Variants in PIEZO2 observed in about 807,000 individuals in gnomAD.
PIEZO2 encodes piezo-type mechanosensitive ion channel component 2.
A neutral mutation model predicts 337.3 loss-of-function variants in PIEZO2; 172 were observed. The ratio of observed to expected loss-of-function variants is 0.51; its 90% CI spans 0.45 to 0.58. The LOEUF is 0.58. Ranked by LOEUF, PIEZO2 falls within the 20% of genes least tolerant of loss-of-function variation. PIEZO2 has a pLI of 0.00. For missense variants in PIEZO2, 3,028 were observed against 3,391.3 expected (o/e 0.89, Z 2.66); for synonymous variants, 1,251 against 1,228.5 (o/e 1.02, Z -0.38).
Position 10,830,014 on chromosome 18 carries a change from C to T in PIEZO2, c.918-22740G>A, listed in dbSNP as rs1324647483. Reference sequence around the variant, plus strand: ...GTCATCCTGAGCAAGAAGTACAAAACTGGAGGAATCACATTACCTCACTTC... The same window carrying T: ...GTCATCCTGAGCAAGAAGTACAAAATTGGAGGAATCACATTACCTCACTTC... On this transcript the variant is annotated intron_variant, in intron 7 of 55. Coordinates refer to ENST00000674853, the MANE Select transcript of PIEZO2 (RefSeq NM_001378183.1). This position sits in a 1 kb window ranked among gnomAD's most constrained non-coding sequence, Gnocchi z 4.7. Among the ~76,000 whole-genome samples, 1 of 151,244 alleles carries T rather than the reference C, an allele frequency of 6.6e-6. No individual in the cohort carries two copies. Among genetic ancestry groups the T allele is most frequent in the Non-Finnish European group, 1.5e-5 (1 of 67,884 alleles).
At chr18:11,091,108 C>T (rs769540110) in intron 1 of PIEZO2, among the ~76,000 whole-genome samples, 19 of 151,864 alleles carry the variant, frequency 1.3e-4, no homozygotes, top group African/African-American at 3.1e-4. Context: ...TATTCAGGCC[C>T]GGCGCAGTGG....
intron 13 of PIEZO2, among the ~76,000 whole-genome samples, chr18:10,793,290 T>C (rs10468618): frequency 0.3 from 45,459 of 152,036 alleles, 7,407 homozygotes; most frequent in Middle Eastern, 0.41. Context: ...CAAATGTTAT[T>C]GTAATAGAAA....
chr18:10,755,807 G>T (rs1175441428), intron 27 of PIEZO2, among the ~76,000 whole-genome samples: 2 of 150,782 alleles, frequency 1.3e-5, no homozygotes, highest in Non-Finnish European at 3.0e-5. Context: ...GTGAATACAA[G>T]AAGTGAGGAT....
chr18:10,960,102 G>A (rs751353646), intron 3 of PIEZO2, among the ~76,000 whole-genome samples: 1 of 152,110 alleles, frequency 6.6e-6, no homozygotes, highest in Non-Finnish European at 1.5e-5. Flanking sequence ...TCATAAGGCT[G>A]TGAGCTTGAT....
chr18:10,986,770 T>C (rs1468874951), intron 2 of PIEZO2, among the ~76,000 whole-genome samples: 1 of 151,942 alleles, frequency 6.6e-6, no homozygotes, highest in African/African-American at 2.4e-5. Flanking sequence ...AAAAGGAAGA[T>C]ATTAAATTGT....
chr18:10,874,286 G>T (rs2042213004), intron 4 of PIEZO2, among the ~76,000 whole-genome samples: 2 of 151,804 alleles, frequency 1.3e-5, no homozygotes, highest in Admixed American at 1.3e-4. Context: ...ACCCTAGTTA[G>T]AATGGTTATT....
rs1012171679 is a variant in PIEZO2 at position 10,895,693 on chromosome 18, A to G, written c.329+15493T>C. On this transcript the variant is annotated intron_variant, in intron 4 of 55. Coordinates refer to ENST00000674853, the MANE Select transcript of PIEZO2 (RefSeq NM_001378183.1). The surrounding 1 kb of genome is among the most constrained non-coding windows in gnomAD (Gnocchi z 4.8). The stretch of plus-strand genomic sequence containing the variant: ...ATGGGGCGCTCCCTCTGACCTGCAC[A>G]TTTCATCTCTACCCAATGGACTACC... Among the ~76,000 whole-genome samples, 1 of 152,118 alleles carries G rather than the reference A, an allele frequency of 6.6e-6. No individual in the cohort carries two copies. The highest frequency in any genetic ancestry group is 2.1e-4 in the South Asian group (1 of 4,818).
Position 11,077,390 on chromosome 18 carries a change from GGT to G in PIEZO2, c.65-11170_65-11169del, listed in dbSNP as rs949878924. ...GATTTAGAAATCACTAATCAGGCCA[GGT>G]GTGGTGGCTCATGCCTACAATCCCA... On this transcript the variant is annotated intron_variant, in intron 1 of 55. Coordinates refer to ENST00000674853, the MANE Select transcript of PIEZO2 (RefSeq NM_001378183.1). The surrounding 1 kb of genome is among the most constrained non-coding windows in gnomAD (Gnocchi z 4.8). Among the ~76,000 whole-genome samples, 21 of 152,306 alleles carry G rather than the reference GGT, an allele frequency of 1.4e-4. No homozygotes were observed. The highest frequency in any genetic ancestry group is 4.8e-4 in the African/African-American group (20 of 41,566).
At chr18:10,972,466 G>A (rs1422243662) in intron 3 of PIEZO2, among the ~76,000 whole-genome samples, 1 of 152,138 alleles carries the variant, frequency 6.6e-6, no homozygotes, top group East Asian at 1.9e-4. Flanking sequence ...TGTGGGGCAG[G>A]TGGAGTGAGA....
At chr18:10,995,839 T>G (rs139750033) in intron 2 of PIEZO2, among the ~76,000 whole-genome samples, 131 of 152,200 alleles carry the variant, frequency 8.6e-4, no homozygotes, top group African/African-American at 3.0e-3. Flanking sequence ...ACAGTTATTT[T>G]TGTTGACTTG....
At chr18:10,951,254 C>G (rs1031192336) in intron 3 of PIEZO2, among the ~76,000 whole-genome samples, 4 of 152,158 alleles carry the variant, frequency 2.6e-5, no homozygotes, top group Non-Finnish European at 5.9e-5. Context: ...CATAACATTT[C>G]CCTTCTTTAT....
In PIEZO2 at chr18:11,080,892, A is replaced by G. The variant is rs1256993743; in HGVS notation, c.65-14670T>C. ...TAAATAAATAAAGCAGAGATATCAG[A>G]GAAAAGTTATCACACCTGACCAATG... On this transcript the variant is annotated intron_variant, in intron 1 of 55. Coordinates refer to ENST00000674853, the MANE Select transcript of PIEZO2 (RefSeq NM_001378183.1). The surrounding 1 kb of genome is among the most constrained non-coding windows in gnomAD (Gnocchi z 5.4). Among the ~76,000 whole-genome samples, 3 of 152,204 alleles carry G rather than the reference A, an allele frequency of 2.0e-5. No homozygotes were observed. The highest frequency in any genetic ancestry group is 6.5e-5 in the Admixed American group (1 of 15,276).
chr18:10,729,232 C>A (rs11080445), intron 36 of PIEZO2, among the ~76,000 whole-genome samples: 47,841 of 152,060 alleles, frequency 0.31, 8,180 homozygotes, highest in East Asian at 0.54. Flanking sequence ...AAAGAAGAGA[C>A]TTTGTAATTA....
At chr18:10,910,843 G>T (rs954550795) in intron 4 of PIEZO2, among the ~76,000 whole-genome samples, 5 of 151,962 alleles carry the variant, frequency 3.3e-5, no homozygotes, top group Non-Finnish European at 5.9e-5. Context: ...TGTAGAATTG[G>T]TTATGACATA....
chr18:10,851,961 T>G (rs2041566661), intron 7 of PIEZO2, among the ~76,000 whole-genome samples: 1 of 152,152 alleles, frequency 6.6e-6, no homozygotes, highest in African/African-American at 2.4e-5. Flanking sequence ...CTTAAGCCAG[T>G]AGAAAGAATA....
chr18:10,887,690 T>C (rs1273664912), intron 4 of PIEZO2, among the ~76,000 whole-genome samples: 1 of 152,236 alleles, frequency 6.6e-6, no homozygotes, highest in Admixed American at 6.5e-5. Flanking sequence ...ATGTGTTGCA[T>C]TCAGTTTTTT....
At position 10,899,568 on chromosome 18, in the gene PIEZO2, C is replaced by T. The variant is rs946347740; in HGVS notation, c.329+11618G>A. ...TCAGAGAGCTAATTTCAGACTTGCA[C>T]GTAGGATGCAGAACAAATAAGAAAT... is the stretch of plus-strand genomic sequence containing the variant. On this transcript the variant is annotated intron_variant, in intron 4 of 55. Transcript: ENST00000674853. This position sits in a 1 kb window ranked among gnomAD's most constrained non-coding sequence, Gnocchi z 4.6. Among the ~76,000 whole-genome samples, 1 of 152,088 alleles carries T rather than the reference C, an allele frequency of 6.6e-6. No homozygotes were observed. The highest frequency in any genetic ancestry group is 1.5e-5 in the Non-Finnish European group (1 of 68,004).
At chr18:10,827,452 T>G (rs917442252) in intron 7 of PIEZO2, among the ~76,000 whole-genome samples, 1 of 152,174 alleles carries the variant, frequency 6.6e-6, no homozygotes, top group Admixed American at 6.5e-5. Flanking sequence ...GTTTAATGTT[T>G]AATAATCAAA....
chr18:10,750,354 G>T lies in PIEZO2; in HGVS notation c.4168-167C>A, dbSNP rs747124494. On this transcript the variant is annotated intron_variant, in intron 28 of 55. Coordinates refer to ENST00000674853, the MANE Select transcript of PIEZO2 (RefSeq NM_001378183.1). This position sits in a 1 kb window ranked among gnomAD's most constrained non-coding sequence, Gnocchi z 4.1. ...GTCACCTTGTGGTAGTGCTTCAGGA[G>T]CAATGTAAATTCCTGGGAAAAATTA... 1.3e-5 allele frequency among the ~76,000 whole-genome samples: 2 copies of T among 152,206 alleles called. No homozygotes were observed. Among genetic ancestry groups the T allele is most frequent in the Non-Finnish European group, 2.9e-5 (2 of 68,038 alleles).
Sources: gnomAD v4.1 joint callset for allele counts (sites outside exome capture counted in the v4.1 genomes callset) on GRCh38, gnomAD v4.1.1 for gene constraint, Gnocchi (gnomAD v3.1) non-coding constraint, MANE v1.5 for transcripts, NCBI Gene and HGNC (gene_info 2026-07-23, HGNC 2026-07-21) for gene names.